Variants in PCDHA5 observed in about 807,000 individuals in gnomAD.
PCDHA5 encodes protocadherin alpha 5.
In PCDHA5, 43 loss-of-function variants were observed where a neutral mutation model predicts 61.6. The observed-to-expected ratio is 0.70, with a 90% CI of 0.55 to 0.90. The LOEUF is 0.90. Ranked by LOEUF, PCDHA5 falls within the 40% of genes least tolerant of loss-of-function variation. PCDHA5 has a pLI of 0.00. For missense variants in PCDHA5, 1,298 were observed against 1,222.7 expected (o/e 1.06, Z -0.92); for synonymous variants, 627 against 543.9 (o/e 1.15, Z -2.13).
intron 1 of PCDHA5, 141 bp downstream of exon 1, chr5:140,824,268 T>A: frequency 8.2e-7 from 1 of 1,223,616 alleles, no homozygotes; most frequent in Non-Finnish European, 1.2e-6. Flanking sequence ...CTAATTCATG[T>A]ATTATATGCT....
At chr5:140,876,155 T>A in intron 1 of PCDHA5, 1 of 1,613,994 alleles carries the variant, frequency 6.2e-7, no homozygotes, top group Non-Finnish European at 8.5e-7. Context: ...TCTGTCCAGA[T>A]TCAAATAACC....
intron 1 of PCDHA5, chr5:140,968,553 G>A (rs782583876): frequency 4.3e-6 from 7 of 1,614,132 alleles, no homozygotes; most frequent in South Asian, 2.2e-5. Context: ...ATGGTGCCTC[G>A]AACTGCCCCT....
chr5:140,950,959 T>C (rs969091651), intron 1 of PCDHA5, among the ~76,000 whole-genome samples: 5 of 152,120 alleles, frequency 3.3e-5, no homozygotes, highest in Non-Finnish European at 5.9e-5. Context: ...TCTATTGATC[T>C]ATTTTCAGAT....
rs375716587 is a variant in PCDHA5 at position 140,871,025 on chromosome 5, C to T, written c.2352+46898C>T. ...ACGCGTGCCCTGGACGAGGCAGACT[C>T]GCCGCGCCACCGACTTCTAGTACTG... On this transcript the variant is annotated intron_variant, in intron 1 of 3. Transcript: ENST00000529859. 13 of 1,613,228 alleles carry T rather than the reference C, an allele frequency of 8.1e-6. No homozygotes were observed. Among genetic ancestry groups the T allele is most frequent in the Admixed American group, 1.7e-5 (1 of 60,010 alleles).
chr5:140,929,159 A>G lies in PCDHA5; in HGVS notation c.2353-49790A>G, dbSNP rs781818133. The G allele has an allele frequency of 1.7e-5, 27 of 1,613,968 alleles. No homozygotes were observed. Among genetic ancestry groups the G allele is most frequent in the South Asian group, 1.4e-4 (13 of 91,088 alleles). On this transcript the variant is annotated intron_variant, in intron 1 of 3. Coordinates refer to ENST00000529859, the MANE Select transcript of PCDHA5 (RefSeq NM_018908.3). The stretch of plus-strand genomic sequence containing the variant: ...GAGAGACTTTCTCAGACTTATCTCT[A>G]TCGGGCCTCTCTGGGACTTGGTTCT...
At chr5:140,853,588 A>G in intron 1 of PCDHA5, 1 of 986,058 alleles carries the variant, frequency 1.0e-6, no homozygotes, top group Non-Finnish European at 1.2e-6. Context: ...TATCTTAGAC[A>G]CTTTGAGAGC....
chr5:140,952,266 G>T (rs2094712993), intron 1 of PCDHA5, among the ~76,000 whole-genome samples: 1 of 151,598 alleles, frequency 6.6e-6, no homozygotes, highest in South Asian at 2.1e-4. Context: ...CCATTCTGGG[G>T]TCTTGAGGGT....
rs782444555 is a variant in PCDHA5, at chr5:140,883,708, G to C, written c.2352+59581G>C. 1.2e-6 allele frequency: 2 copies of C among 1,613,664 alleles called. No homozygotes were observed. The highest frequency in any genetic ancestry group is 1.7e-6 in the Non-Finnish European group (2 of 1,179,838). On this transcript the variant is annotated intron_variant, in intron 1 of 3. Coordinates refer to ENST00000529859, the MANE Select transcript of PCDHA5 (RefSeq NM_018908.3). ...GCCACATCTTCACGGTGTCTGCTCA[G>C]GACGCGGACGCACAGGAGAACGCGC...
At chr5:140,997,978 C>A (rs1205743045) in intron 3 of PCDHA5, among the ~76,000 whole-genome samples, 2 of 152,182 alleles carry the variant, frequency 1.3e-5, no homozygotes, top group Admixed American at 1.3e-4. Context: ...TTGGACTGCA[C>A]TTGTTACATA....
At chr5:140,902,905 G>A (rs933013740) in intron 1 of PCDHA5, among the ~76,000 whole-genome samples, 3 of 152,174 alleles carry the variant, frequency 2.0e-5, no homozygotes, top group Admixed American at 6.5e-5. Flanking sequence ...TTTAGTTTAT[G>A]GCTGAGTAGT....
intron 1 of PCDHA5, among the ~76,000 whole-genome samples, chr5:140,900,209 G>A (rs918328130): frequency 6.6e-6 from 1 of 152,146 alleles, no homozygotes; most frequent in Non-Finnish European, 1.5e-5. Context: ...GTTTCATCCA[G>A]GTTGTTGCAA....
At chr5:140,928,851 T>G (rs1554206396) in intron 1 of PCDHA5, 1 of 1,614,192 alleles carries the variant, frequency 6.2e-7, no homozygotes, top group Non-Finnish European at 8.5e-7. Flanking sequence ...TCACTCTGGG[T>G]GTGCTGTTGA....
intron 1 of PCDHA5, among the ~76,000 whole-genome samples, chr5:140,904,496 A>G (rs1174844806): frequency 1.3e-5 from 2 of 151,832 alleles, no homozygotes; most frequent in Non-Finnish European, 2.9e-5. Context: ...CCAAATTTTT[A>G]CAATTGTGAA....
At chr5:140,975,307 A>G (rs1190412792) in intron 1 of PCDHA5, among the ~76,000 whole-genome samples, 1 of 152,162 alleles carries the variant, frequency 6.6e-6, no homozygotes, top group Non-Finnish European at 1.5e-5. Context: ...AGCTCATGTG[A>G]TTATGTCAGT....
At chr5:140,927,290 T>C in intron 1 of PCDHA5, 1 of 1,614,054 alleles carries the variant, frequency 6.2e-7, no homozygotes, top group South Asian at 1.1e-5. Flanking sequence ...CAGCTGCACA[T>C]CCCCGAGTTC....
At chr5:140,850,020 T>C (rs2150463702) in intron 1 of PCDHA5, 2 of 1,596,646 alleles carry the variant, frequency 1.3e-6, no homozygotes, top group African/African-American at 1.3e-5. Flanking sequence ...GAGCTACGTG[T>C]CAGTGCACGC....
chr5:140,873,998 C>T (rs2054625298), intron 1 of PCDHA5, among the ~76,000 whole-genome samples: 1 of 152,166 alleles, frequency 6.6e-6, no homozygotes, highest in Non-Finnish European at 1.5e-5. Context: ...ATGTATGGTA[C>T]ATTGACCACT....
intron 1 of PCDHA5, chr5:140,852,584 T>TTA (rs2042387314): frequency 1.2e-6 from 1 of 824,154 alleles, no homozygotes. Context: ...GCTTTTTTAT[T>TTA]TTTTTTTTTT....
intron 1 of PCDHA5, chr5:140,829,335 G>A: frequency 6.2e-7 from 1 of 1,614,232 alleles, no homozygotes. Flanking sequence ...GCCCTGGACC[G>A]CGAGAGCGTG....
Sources: allele counts gnomAD v4.1 joint callset (sites outside exome capture counted in the v4.1 genomes callset), GRCh38; gene constraint gnomAD v4.1.1; transcripts MANE v1.5; gene names NCBI Gene and HGNC (gene_info 2026-07-23, HGNC 2026-07-21).